Variants in FIGN observed in about 807,000 individuals in gnomAD.
FIGN encodes fidgetin, microtubule severing factor.
In FIGN, 11 loss-of-function variants were observed where a neutral mutation model predicts 51.3. The observed-to-expected ratio is 0.21, with a 90% CI of 0.13 to 0.35. The LOEUF is 0.35. Ranked by LOEUF, FIGN falls within the 10% of genes least tolerant of loss-of-function variation. The pLI, the probability that FIGN is intolerant of heterozygous loss-of-function variation, is 1.00. For missense variants in FIGN, 857 were observed against 943.6 expected (o/e 0.91, Z 1.20); for synonymous variants, 407 against 363.2 (o/e 1.12, Z -1.37).
intron 2 of FIGN, among the ~76,000 whole-genome samples, chr2:163,634,521 C>T (rs1386511687): frequency 2.0e-5 from 3 of 152,138 alleles, no homozygotes; most frequent in African/African-American, 7.2e-5. Context: ...TGGGCTCTCT[C>T]ATTATACTAT....
intron 2 of FIGN, among the ~76,000 whole-genome samples, chr2:163,717,589 A>T (rs1386697861): frequency 6.6e-6 from 1 of 152,136 alleles, no homozygotes. Flanking sequence ...CTGATTAAAC[A>T]AGACCAAGTG....
chr2:163,677,213 T>C (rs1683986996), intron 2 of FIGN, among the ~76,000 whole-genome samples: 1 of 152,204 alleles, frequency 6.6e-6, no homozygotes, highest in African/African-American at 2.4e-5. Context: ...AAATAAAAGG[T>C]GTAAAATAGG....
At chr2:163,611,913 T>TCC in intron 2 of FIGN, 107 bp from the exon 3 acceptor site, 1 of 681,890 alleles carries the variant, frequency 1.5e-6, no homozygotes. Flanking sequence ...ATTAATGATA[T>TCC]GCATACTTTA....
chr2:163,735,420 TG>T (rs1573981761), intron 1 of FIGN, among the ~76,000 whole-genome samples: 1 of 152,246 alleles, frequency 6.6e-6, no homozygotes, highest in East Asian at 1.9e-4. Context: ...TTTTTGTGTG[TG>T]TGCAAGATTC....
chr2:163,637,676 T>C (rs1415532645), intron 2 of FIGN, among the ~76,000 whole-genome samples: 1 of 152,196 alleles, frequency 6.6e-6, no homozygotes, highest in Admixed American at 6.5e-5. Flanking sequence ...ACTTTTTTTT[T>C]TTTTGCTATT....
At chr2:163,633,314 C>A (rs1260618402) in intron 2 of FIGN, among the ~76,000 whole-genome samples, 1 of 152,180 alleles carries the variant, frequency 6.6e-6, no homozygotes, top group Non-Finnish European at 1.5e-5. Context: ...GTTCCACTTT[C>A]TACGGGCCAG....
intron 2 of FIGN, among the ~76,000 whole-genome samples, chr2:163,708,389 C>T (rs554102277): frequency 5.9e-5 from 9 of 152,036 alleles, no homozygotes; most frequent in South Asian, 2.1e-4. Flanking sequence ...TGTTTCTAGG[C>T]GCAGAATATA....
intron 2 of FIGN, among the ~76,000 whole-genome samples, chr2:163,621,051 T>C (rs1026757279): frequency 1.3e-5 from 2 of 152,252 alleles, no homozygotes; most frequent in Non-Finnish European, 1.5e-5. Context: ...CTTCTCTGTG[T>C]TCCTCTGGAA....
Position 163,609,541 on chromosome 2 carries a change from TAAAGA to T in FIGN, c.*6_*10del. 1.3e-6 allele frequency: 2 copies of T among 1,590,608 alleles called. No homozygotes were observed. The highest frequency in any genetic ancestry group is 3.5e-5 in the Admixed American group (2 of 57,910). Reference sequence around the variant, plus strand: ...CAACATTCATTACATTTTTTTTTTCTAAAGAAGTTATCACTGACTGCAACCAAACA... The same window carrying T: ...CAACATTCATTACATTTTTTTTTTCTAGTTATCACTGACTGCAACCAAACA... On this transcript the variant is annotated 3_prime_UTR_variant, in exon 3 of 3. Transcript: ENST00000333129.
chr2:163,699,796 AT>A (rs1326885586), intron 2 of FIGN, among the ~76,000 whole-genome samples: 3 of 152,136 alleles, frequency 2.0e-5, no homozygotes, highest in Non-Finnish European at 4.4e-5. Flanking sequence ...AAATCAGATA[AT>A]TTTAGTATAC....
At chr2:163,710,013 T>C (rs1394185919) in intron 2 of FIGN, among the ~76,000 whole-genome samples, 1 of 152,144 alleles carries the variant, frequency 6.6e-6, no homozygotes, top group Non-Finnish European at 1.5e-5. Flanking sequence ...AATAAACAAT[T>C]GACTGAGGTT....
At chr2:163,731,557 G>A (rs1202395596) in intron 2 of FIGN, among the ~76,000 whole-genome samples, 1 of 151,794 alleles carries the variant, frequency 6.6e-6, no homozygotes, top group East Asian at 1.9e-4. Context: ...CTATTTATGG[G>A]AAGGAAAAAA....
At chr2:163,719,946 A>T (rs550870935) in intron 2 of FIGN, among the ~76,000 whole-genome samples, 1 of 152,306 alleles carries the variant, frequency 6.6e-6, no homozygotes, top group African/African-American at 2.4e-5. Context: ...TATTATCACC[A>T]TTAATGTTTG....
intron 2 of FIGN, among the ~76,000 whole-genome samples, chr2:163,713,615 A>G (rs1239274657): frequency 6.6e-6 from 1 of 152,198 alleles, no homozygotes; most frequent in African/African-American, 2.4e-5. Context: ...TAAATGATGT[A>G]CCATTTTCTT....
intron 2 of FIGN, among the ~76,000 whole-genome samples, chr2:163,688,981 T>C (rs1684196725): frequency 6.6e-6 from 1 of 151,816 alleles, no homozygotes; most frequent in South Asian, 2.1e-4. Context: ...ACCAGCCAGT[T>C]CAAAACCCTA....
chr2:163,630,576 C>T lies in FIGN; in HGVS notation c.26-18770G>A, dbSNP rs149809845. 2.3e-3 allele frequency among the ~76,000 whole-genome samples: 346 copies of T among 151,504 alleles called. 1 individual carries two copies. Among genetic ancestry groups the T allele is most frequent in the African/African-American group, 7.8e-3 (323 of 41,234 alleles). ...ACCACCTGCAAGCCACAGTGGACAA[C>T]CTTTCTATTGCTATATATGACAAGA... On this transcript the variant is annotated intron_variant, in intron 2 of 2. Transcript: ENST00000333129.
At chr2:163,649,185 C>T (rs541172534) in intron 2 of FIGN, among the ~76,000 whole-genome samples, 3 of 152,196 alleles carry the variant, frequency 2.0e-5, no homozygotes, top group African/African-American at 7.2e-5. Context: ...CACAAGCAGG[C>T]CCATGGGACC....
At chr2:163,627,304 T>C (rs987854802) in intron 2 of FIGN, among the ~76,000 whole-genome samples, 10 of 152,254 alleles carry the variant, frequency 6.6e-5, no homozygotes, top group South Asian at 2.1e-4. Context: ...ATGGGTTATA[T>C]AGAGAGTTGG....
intron 2 of FIGN, among the ~76,000 whole-genome samples, chr2:163,654,490 G>A (rs539888746): frequency 4.7e-4 from 71 of 152,246 alleles, no homozygotes; most frequent in African/African-American, 1.4e-3. Context: ...TATTTGTGTA[G>A]GGTAGTTGGA....
Sources: allele counts gnomAD v4.1 joint callset (sites outside exome capture counted in the v4.1 genomes callset), GRCh38; gene constraint gnomAD v4.1.1; transcripts MANE v1.5; gene names NCBI Gene and HGNC (gene_info 2026-07-23, HGNC 2026-07-21).